ADAMTSL1: variants seen among roughly 807,000 people sequenced by gnomAD.
ADAMTSL1 encodes ADAMTS-like protein 1.
A neutral mutation model predicts 201.8 loss-of-function variants in ADAMTSL1; 126 were observed. The observed-to-expected ratio is 0.62, with a 90% CI of 0.54 to 0.72. The LOEUF is 0.72. ADAMTSL1 is among the 30% of genes least tolerant of loss of function. The probability of loss-of-function intolerance (pLI) is 0.00; values close to 1 mark genes in which losing one functional copy is unlikely to be tolerated. For missense variants in ADAMTSL1, 2,679 were observed against 2,277.8 expected, an observed-to-expected ratio of 1.18 and a Z score of -3.59; for synonymous variants, 1,121 against 903.4, an observed-to-expected ratio of 1.24 and a Z score of -4.32.
intron 1 of ADAMTSL1, among the ~76,000 whole-genome samples, chr9:17,964,555 A>G (rs1817899211): frequency 8.3e-6 from 1 of 120,680 alleles, no homozygotes; most frequent in Non-Finnish European, 1.9e-5. Context: ...TCACATAACA[A>G]AACTGTGTTT....
intron 1 of ADAMTSL1, among the ~76,000 whole-genome samples, chr9:18,487,749 A>G: frequency 6.6e-6 from 1 of 152,176 alleles, no homozygotes; most frequent in Admixed American, 6.5e-5. Flanking sequence ...AATCTTATTG[A>G]AATATGCAGT....
At chr9:17,931,164 T>C (rs1362987405) in intron 1 of ADAMTSL1, among the ~76,000 whole-genome samples, 3 of 152,312 alleles carry the variant, frequency 2.0e-5, no homozygotes, top group East Asian at 3.9e-4. Context: ...TACGACATCA[T>C]GATACTGCAC....
intron 2 of ADAMTSL1, among the ~76,000 whole-genome samples, chr9:18,356,637 A>AC (rs1836253424): frequency 6.8e-6 from 1 of 146,920 alleles, no homozygotes; most frequent in Non-Finnish European, 1.5e-5. Flanking sequence ...ACACACACAC[A>AC]ACTTTCCTAC....
chr9:18,425,852 G>A (rs994001821), intron 2 of ADAMTSL1, among the ~76,000 whole-genome samples: 8 of 100,172 alleles, frequency 8.0e-5, no homozygotes, highest in African/African-American at 2.9e-4. Flanking sequence ...TAAGATCCCT[G>A]TCTCAAGAAA....
At position 18,444,706 on chromosome 9, in the gene ADAMTSL1, A is replaced by T. The variant is rs1820122353; in HGVS notation, c.208-60123A>T. Reference sequence around the variant, plus strand: ...AGGGAAAACAGATGCAGATAATAATAGTAGTACGAGTTAAGGCCAAAGGGA... The same window carrying T: ...AGGGAAAACAGATGCAGATAATAATTGTAGTACGAGTTAAGGCCAAAGGGA... On this transcript the variant is annotated intron_variant, in intron 2 of 29. Coordinates refer to the ADAMTSL1 transcript ENST00000680146. Among the ~76,000 whole-genome samples the T allele has an allele frequency of 2.0e-5, 3 of 152,302 alleles. No individual in the cohort carries two copies. In the South Asian group the frequency reaches 6.2e-4, roughly 32 times the overall value.
chr9:18,866,095 A>G (rs1827519319), intron 23 of ADAMTSL1, among the ~76,000 whole-genome samples: 1 of 137,792 alleles, frequency 7.3e-6, no homozygotes, highest in African/African-American at 2.9e-5. Context: ...GCACACAGAG[A>G]GATTGCTTGC....
intron 1 of ADAMTSL1, among the ~76,000 whole-genome samples, chr9:18,090,015 A>G (rs2131810265): frequency 6.6e-6 from 1 of 152,352 alleles, no homozygotes. Flanking sequence ...ACAGTGTTTT[A>G]GCATTTGTTA....
At chr9:18,652,346 C>G (rs1202204302) in intron 7 of ADAMTSL1, among the ~76,000 whole-genome samples, 1 of 59,042 alleles carries the variant, frequency 1.7e-5, no homozygotes, top group Non-Finnish European at 3.2e-5. Context: ...GCTTGGGTGA[C>G]AAGAACAAAA....
intron 21 of ADAMTSL1, among the ~76,000 whole-genome samples, chr9:18,825,325 A>G (rs534016156): frequency 6.6e-6 from 1 of 152,204 alleles, no homozygotes; most frequent in African/African-American, 2.4e-5. Flanking sequence ...ATCCCAGGTC[A>G]GCAGATGATC....
rs146060988 is a variant in ADAMTSL1 at position 18,063,145 on chromosome 9, G to A, written c.88-100717G>A. On this transcript the variant is annotated intron_variant, in intron 1 of 29. Transcript: ENST00000680146. The stretch of plus-strand genomic sequence containing the variant: ...GGAGTTCAAGACCAGCCTGAGGCCA[G>A]GAGTTCAAGACATAGTAAGAGACTG... Among the ~76,000 whole-genome samples, 358 of 152,210 alleles carry A rather than the reference G, an allele frequency of 2.4e-3. 1 individual carries two copies. Among genetic ancestry groups the A allele is most frequent in the African/African-American group, 8.5e-3 (354 of 41,548 alleles).
At chr9:18,798,158 T>C (rs1397124202) in intron 20 of ADAMTSL1, among the ~76,000 whole-genome samples, 1 of 151,700 alleles carries the variant, frequency 6.6e-6, no homozygotes, top group Non-Finnish European at 1.5e-5. Flanking sequence ...ATAAGGAAAG[T>C]ATGGACTTGT....
intron 2 of ADAMTSL1, among the ~76,000 whole-genome samples, chr9:18,395,851 A>C (rs1488371469): frequency 6.6e-6 from 1 of 152,224 alleles, no homozygotes; most frequent in African/African-American, 2.4e-5. Context: ...CTGAACTAAA[A>C]TTTACAAATA....
intron 16 of ADAMTSL1, among the ~76,000 whole-genome samples, chr9:18,758,044 A>T (rs1223593304): frequency 6.6e-6 from 1 of 152,202 alleles, no homozygotes; most frequent in African/African-American, 2.4e-5. Flanking sequence ...CATGTGAGGA[A>T]CCTGAAGTAT....
intron 2 of ADAMTSL1, among the ~76,000 whole-genome samples, chr9:18,442,153 A>G (rs1447713322): frequency 1.3e-5 from 2 of 152,234 alleles, no homozygotes; most frequent in African/African-American, 2.4e-5. Flanking sequence ...AAGACAAACG[A>G]GAGCTTTATT....
intron 3 of ADAMTSL1, among the ~76,000 whole-genome samples, chr9:18,535,685 G>A (rs1474523949): frequency 2.0e-5 from 3 of 152,100 alleles, no homozygotes; most frequent in Non-Finnish European, 4.4e-5. Flanking sequence ...TCAGGGGTGG[G>A]GATTGTAAGT....
At chr9:18,792,292 A>G (rs1025356326) in intron 19 of ADAMTSL1, among the ~76,000 whole-genome samples, 9 of 152,196 alleles carry the variant, frequency 5.9e-5, no homozygotes, top group African/African-American at 1.2e-4. Flanking sequence ...CAGTTTAACA[A>G]TTCCCTCTGA....
chr9:18,068,170 A>T lies in ADAMTSL1; in HGVS notation c.88-95692A>T, dbSNP rs193024633. On this transcript the variant is annotated intron_variant, in intron 1 of 29. Coordinates refer to the ADAMTSL1 transcript ENST00000680146. Reference sequence around the variant, plus strand: ...GGGCTGGCCCACCCCACCCTTAGAAATGGACTGTTTATTAAGATAGCAGCT... The same window carrying T: ...GGGCTGGCCCACCCCACCCTTAGAATTGGACTGTTTATTAAGATAGCAGCT... 2.4e-3 allele frequency among the ~76,000 whole-genome samples: 368 copies of T among 152,208 alleles called. 2 individuals carry two copies. Among genetic ancestry groups the T allele is most frequent in the African/African-American group, 8.1e-3 (335 of 41,536 alleles).
chr9:18,095,853 A>T (rs916594829), intron 1 of ADAMTSL1, among the ~76,000 whole-genome samples: 1 of 152,152 alleles, frequency 6.6e-6, no homozygotes. Context: ...GTATTTGAAG[A>T]TCCAAATCTG....
intron 1 of ADAMTSL1, among the ~76,000 whole-genome samples, chr9:18,490,694 AAGGC>A (rs2131853183): frequency 6.6e-6 from 1 of 152,254 alleles, no homozygotes; most frequent in Admixed American, 6.5e-5. Context: ...TGAGTAAGAA[AAGGC>A]AGGGGACAAA....
Sources: allele counts gnomAD v4.1 joint callset (sites outside exome capture counted in the v4.1 genomes callset), GRCh38; gene constraint gnomAD v4.1.1; transcripts MANE v1.5; gene names NCBI Gene and HGNC (gene_info 2026-07-23, HGNC 2026-07-21).